The following CSMD1 variants were observed in gnomAD, a reference collection of about 807,000 sequenced individuals.
The protein encoded by CSMD1 is CUB and Sushi multiple domains 1, also known as CUB and sushi domain-containing protein 1.
Under a neutral mutation model 417.5 loss-of-function variants are expected in CSMD1, and 213 were observed. The ratio of observed to expected loss-of-function variants is 0.51; its 90% CI spans 0.46 to 0.57. The LOEUF is 0.57. Among genes scored for constraint, CSMD1 ranks in the 20% least tolerant of loss-of-function variants. CSMD1 has a pLI of 0.00. For synonymous variants in CSMD1, 2,862 were observed against 1,736.8 expected (o/e 1.65, Z -16.11); for missense variants, 6,923 against 4,529.7 (o/e 1.53, Z -15.17).
chr8:3,846,190 T>G (rs906612031), intron 5 of CSMD1, among the ~76,000 whole-genome samples: 2 of 152,272 alleles, frequency 1.3e-5, no homozygotes, highest in South Asian at 4.1e-4. Flanking sequence ...GTGCTAGGCT[T>G]TTATATAACA....
chr8:3,841,169 T>A (rs1353669020), intron 5 of CSMD1, among the ~76,000 whole-genome samples: 1 of 152,106 alleles, frequency 6.6e-6, no homozygotes, highest in African/African-American at 2.4e-5. Flanking sequence ...TGGTGGAAAT[T>A]GTGTTTTTAT....
At chr8:3,661,071 G>C (rs996633815) in intron 7 of CSMD1, among the ~76,000 whole-genome samples, 2 of 152,154 alleles carry the variant, frequency 1.3e-5, no homozygotes, top group Admixed American at 6.5e-5. Flanking sequence ...CAGAGAAGGA[G>C]AAAACAAATG....
intron 5 of CSMD1, among the ~76,000 whole-genome samples, chr8:3,845,986 C>T (rs917895144): frequency 2.6e-5 from 4 of 151,814 alleles, no homozygotes; most frequent in Non-Finnish European, 4.4e-5. Flanking sequence ...CCCATGGAGC[C>T]GTCACCTCCT....
At chr8:4,738,463 G>A (rs748274986) in intron 1 of CSMD1, among the ~76,000 whole-genome samples, 1 of 152,060 alleles carries the variant, frequency 6.6e-6, no homozygotes, top group Non-Finnish European at 1.5e-5. Context: ...GATCTCATGA[G>A]AACAAACTTG....
At chr8:4,299,593 T>C (rs1797871355) in intron 3 of CSMD1, among the ~76,000 whole-genome samples, 1 of 152,184 alleles carries the variant, frequency 6.6e-6, no homozygotes, top group Non-Finnish European at 1.5e-5. Context: ...ATATGCCCCA[T>C]ATTGGCCAAT....
chr8:3,529,864 T>A (rs1563125981), intron 10 of CSMD1, among the ~76,000 whole-genome samples: 1 of 152,116 alleles, frequency 6.6e-6, no homozygotes, highest in Admixed American at 6.6e-5. Flanking sequence ...AAATTAATTA[T>A]AGCAAGAGAG....
Position 3,408,063 on chromosome 8 carries a change from T to C in CSMD1, c.1907A>G (p.Asp636Gly). 6.2e-7 allele frequency: 1 copy of C among 1,613,744 alleles called. No homozygotes were observed. The highest frequency in any genetic ancestry group is 8.5e-7 in the Non-Finnish European group (1 of 1,179,866). The change falls in exon 14 of 70, where the codon GAC (aspartate) becomes GGC (glycine). Residue 636 changes from aspartate (D) to glycine (G), a missense_variant. By Grantham distance (94) the Asp-to-Gly change is moderately conservative. Coordinates refer to ENST00000635120, the MANE Select transcript of CSMD1 (RefSeq NM_033225.6). The part of the protein sequence containing the change: ...FNDFDVEPQF[D>G]FLAVKDDGIS... ...GCCATCATCCTTGACCGCGAGAAAG[T>C]CAAACTGAGGCTCAACATCAAAATC...
At chr8:4,190,793 C>T (rs866493694) in intron 3 of CSMD1, among the ~76,000 whole-genome samples, 2 of 152,124 alleles carry the variant, frequency 1.3e-5, no homozygotes, top group Non-Finnish European at 2.9e-5. Flanking sequence ...AGCATGTCCT[C>T]TGCAGGGACA....
chr8:4,584,376 G>A (rs910643604), intron 2 of CSMD1, among the ~76,000 whole-genome samples: 39 of 152,048 alleles, frequency 2.6e-4, no homozygotes, highest in East Asian at 5.8e-4. Flanking sequence ...GACCCCTTTC[G>A]CTTGCTATTC....
At chr8:4,331,183 A>C (rs1270331896) in intron 3 of CSMD1, among the ~76,000 whole-genome samples, 1 of 152,186 alleles carries the variant, frequency 6.6e-6, no homozygotes, top group Non-Finnish European at 1.5e-5. Context: ...ATAAACCAGA[A>C]AATCTTCCTC....
intron 1 of CSMD1, among the ~76,000 whole-genome samples, chr8:4,757,015 A>G (rs149090235): frequency 1.2e-4 from 19 of 152,214 alleles, no homozygotes; most frequent in African/African-American, 4.6e-4. Context: ...TTTTATTAGT[A>G]GACTGTTCTT....
At chr8:4,229,804 T>C (rs538915776) in intron 3 of CSMD1, among the ~76,000 whole-genome samples, 2 of 152,312 alleles carry the variant, frequency 1.3e-5, no homozygotes, top group South Asian at 2.1e-4. Context: ...CCTTCCTTTT[T>C]TCCCTCACAA....
At chr8:3,905,141 C>A (rs1192686816) in intron 5 of CSMD1, among the ~76,000 whole-genome samples, 1 of 151,832 alleles carries the variant, frequency 6.6e-6, no homozygotes, top group Admixed American at 6.6e-5. Context: ...AGAGAGAATC[C>A]TTCCATTTAA....
intron 1 of CSMD1, among the ~76,000 whole-genome samples, chr8:4,735,735 G>C (rs1349755033): frequency 6.6e-6 from 1 of 152,072 alleles, no homozygotes; most frequent in Non-Finnish European, 1.5e-5. Context: ...TCCCTAATAA[G>C]AGAAAAGGAC....
intron 1 of CSMD1, among the ~76,000 whole-genome samples, chr8:4,920,620 G>C (rs1397260225): frequency 1.3e-5 from 2 of 151,966 alleles, no homozygotes; most frequent in Non-Finnish European, 2.9e-5. Flanking sequence ...TCAGGAGTTT[G>C]AGACCAGCCT....
At chr8:3,486,750 G>C (rs6997143) in intron 11 of CSMD1, among the ~76,000 whole-genome samples, 1 of 152,254 alleles carries the variant, frequency 6.6e-6, no homozygotes, top group South Asian at 2.1e-4. Context: ...CATCCAATGG[G>C]TCCCCAAGGT....
intron 2 of CSMD1, among the ~76,000 whole-genome samples, chr8:4,442,902 T>C (rs1563178599): frequency 6.6e-6 from 1 of 152,202 alleles, no homozygotes; most frequent in Non-Finnish European, 1.5e-5. Context: ...AACAGATGTT[T>C]ATGTTTATAT....
chr8:4,007,225 G>C (rs1242719612), intron 4 of CSMD1, among the ~76,000 whole-genome samples: 2 of 152,012 alleles, frequency 1.3e-5, no homozygotes, highest in Non-Finnish European at 2.9e-5. Flanking sequence ...TCAAAGCTGT[G>C]AACTACTCAA....
rs117013822 is a variant in CSMD1 at position 3,189,928 on chromosome 8, C to T, written c.5382G>A (p.Thr1794=). 3.9e-4 allele frequency: 621 copies of T among 1,583,628 alleles called. 5 individuals carry two copies. In the East Asian group the frequency reaches 0.011, roughly 28 times the overall value. Reference sequence around the variant, plus strand: ...ACTGCTCACCCACACAGCTGGGGATCGTGTCGTTCCACTGTGCCAAGGCGT... The same window carrying T: ...ACTGCTCACCCACACAGCTGGGGATTGTGTCGTTCCACTGTGCCAAGGCGT... ...VPNALAQWND[T]IPSCVVPCSG... Residue 1794 remains threonine (T), a synonymous_variant, in exon 34 of 70, where the codon ACG becomes ACA. Transcript: ENST00000635120.
Sources: gnomAD v4.1 joint callset for allele counts (sites outside exome capture counted in the v4.1 genomes callset) on GRCh38, gnomAD v4.1.1 for gene constraint, MANE v1.5 for transcripts, NCBI Gene and HGNC (gene_info 2026-07-23, HGNC 2026-07-21) for gene names.